The following CCDC88C variants were observed in gnomAD, a reference collection of about 807,000 sequenced individuals.
The protein encoded by CCDC88C is protein Daple.
Under a neutral mutation model 198.8 loss-of-function variants are expected in CCDC88C, and 131 were observed. The ratio of observed to expected loss-of-function variants is 0.66; its 90% confidence interval spans 0.57 to 0.76. CCDC88C has a LOEUF of 0.76. Among genes scored for constraint, CCDC88C ranks in the 30% least tolerant of loss-of-function variants. The pLI, the probability that CCDC88C is intolerant of heterozygous loss-of-function variation, is 0.00. For missense variants in CCDC88C, 2,553 were observed against 2,631.6 expected, an observed-to-expected ratio of 0.97 and a Z score of 0.65; for synonymous variants, 1,166 against 1,114.7, an observed-to-expected ratio of 1.05 and a Z score of -0.92.
chr14:91,380,858 T>C (rs1884746138), intron 3 of CCDC88C, among the ~76,000 whole-genome samples: 1 of 152,164 alleles, frequency 6.6e-6, no homozygotes, highest in South Asian at 2.1e-4. Context: ...CCCCGTATCC[T>C]CCCTGTAGTC....
chr14:91,313,726 C>T lies in CCDC88C; in HGVS notation c.2090G>A (p.Arg697His), dbSNP rs762660225. 2.8e-5 allele frequency: 45 copies of T among 1,609,870 alleles called. No individual in the cohort carries two copies. Among genetic ancestry groups the T allele is most frequent in the Middle Eastern group, 3.3e-4 (2 of 6,084 alleles). The change falls in exon 15 of 30, where the codon CGT becomes CAT. Residue 697 changes from arginine to histidine, a missense_variant. Physicochemically the swap from Arg to His is conservative, Grantham distance 29. Transcript: ENST00000389857. This position sits in a 1 kb window ranked among gnomAD's most constrained non-coding sequence, Gnocchi z 5.2. The stretch of plus-strand genomic sequence containing the variant: ...CTCTGCGTCCAGCTGCTTGTTGTCA[C>T]GCTCCAGGCCCTCAAGCTGCAGGGA... ...NVSLQLEGLE[R>H]DNKQLDAENL...
intron 3 of CCDC88C, among the ~76,000 whole-genome samples, chr14:91,384,891 G>C (rs1420874968): frequency 3.9e-5 from 6 of 152,160 alleles, no homozygotes; most frequent in Non-Finnish European, 7.3e-5. Flanking sequence ...TCCACAGCAC[G>C]GGGGTGGTTC....
chr14:91,330,041 C>T (rs981370081), intron 10 of CCDC88C, among the ~76,000 whole-genome samples: 6 of 152,354 alleles, frequency 3.9e-5, no homozygotes, highest in Middle Eastern at 3.4e-3. Flanking sequence ...TCACAGGGGC[C>T]GGGTTTGCCC....
intron 3 of CCDC88C, among the ~76,000 whole-genome samples, chr14:91,398,318 C>A (rs1885970676): frequency 6.6e-6 from 1 of 152,344 alleles, no homozygotes; most frequent in Admixed American, 6.5e-5. Context: ...AGGTCCTCAG[C>A]CCGTTTGCTT....
chr14:91,345,190 A>ATATATATATTTTTTTTTTTTTTTT (rs1246878587), intron 4 of CCDC88C, among the ~76,000 whole-genome samples: 1 of 52,204 alleles, frequency 1.9e-5, no homozygotes, highest in Non-Finnish European at 3.4e-5. Context: ...ATATATATAT[A>ATATATATATTTTTTTTTTTTTTTT]TTTTTTTTTT....
At chr14:91,327,299 C>T (rs183087135) in intron 10 of CCDC88C, among the ~76,000 whole-genome samples, 3 of 152,350 alleles carry the variant, frequency 2.0e-5, no homozygotes, top group African/African-American at 7.2e-5. Flanking sequence ...GGGGAAGCCA[C>T]ACACTTTCCG....
Position 91,278,057 on chromosome 14 carries a change from G to C in CCDC88C, c.4923C>G (p.Leu1641=), listed in dbSNP as rs1463779042. ...CCCTCTTCTGGGCACCCTCCTGTGG[G>C]AGAGGCCCGTTCCGAGGCAAGGGGT... is the stretch of plus-strand genomic sequence containing the variant. ...HEYPLPRNGP[L]PQEGAQKRGT... Residue 1641 remains leucine, a synonymous_variant, in exon 29 of 30, where the codon CTC becomes CTG. Transcript: ENST00000389857. The C allele has an allele frequency of 1.9e-6, 3 of 1,610,682 alleles. No homozygotes were observed. The highest frequency in any genetic ancestry group is 2.5e-6 in the Non-Finnish European group (3 of 1,178,710).
At chr14:91,346,367 C>G (rs937375688) in intron 4 of CCDC88C, among the ~76,000 whole-genome samples, 4 of 152,230 alleles carry the variant, frequency 2.6e-5, no homozygotes, top group African/African-American at 9.7e-5. Context: ...GGAGGACACA[C>G]CTGAGAATAA....
At chr14:91,416,659 T>C (rs1222734943) in intron 2 of CCDC88C, 79 bp downstream of exon 2, 1 of 995,810 alleles carries the variant, frequency 1.0e-6, no homozygotes, top group African/African-American at 1.6e-5. Context: ...CACCCCGCCA[T>C]GCAACCTTCC....
At position 91,272,794 on chromosome 14, in the gene CCDC88C, C is replaced by A; in HGVS notation, c.5918G>T (p.Cys1973Phe). Residue 1973 changes from cysteine to phenylalanine, a missense_variant, in exon 30 of 30, where the codon TGC becomes TTC. This residue lies in a region of CCDC88C where 1,293 missense variants were observed against 1,219.6 expected (regional missense o/e 1.06). Transcript: ENST00000389857. ...SEGDGVPGQG[C>F]SEGLPAKSPG... ...GCTCTTGGCCGGAAGCCCCTCACTG[C>A]AGCCCTGCCCCGGGACCCCGTCTCC... 6.2e-7 allele frequency: 1 copy of A among 1,601,808 alleles called. No individual in the cohort carries two copies. The highest frequency in any genetic ancestry group is 8.5e-7 in the Non-Finnish European group (1 of 1,174,912).
intron 29 of CCDC88C, among the ~76,000 whole-genome samples, chr14:91,275,818 CTT>C (rs34204634): frequency 2.4e-5 from 2 of 82,308 alleles, no homozygotes; most frequent in East Asian, 3.7e-4. Context: ...ACCAGTGGTT[CTT>C]TTTTTTTTTT....
intron 10 of CCDC88C, among the ~76,000 whole-genome samples, chr14:91,331,965 ACT>A (rs1892852313): frequency 1.3e-5 from 2 of 151,542 alleles, no homozygotes; most frequent in African/African-American, 4.9e-5. Flanking sequence ...CTGGGTGTAG[ACT>A]CTGCCCAGCT....
At chr14:91,294,367 C>T in intron 22 of CCDC88C, 49 bp from the exon 23 acceptor site, 1 of 1,600,404 alleles carries the variant, frequency 6.2e-7, no homozygotes, top group Non-Finnish European at 8.5e-7. Flanking sequence ...CCCGGTGTTC[C>T]CACTGCTGGG....
In CCDC88C at chr14:91,288,966, C is replaced by T. The variant is rs911797700; in HGVS notation, c.4441+139G>A. The T allele has an allele frequency of 1.7e-5, 11 of 654,948 alleles. No homozygotes were observed. The highest frequency in any genetic ancestry group is 1.3e-4 in the African/African-American group (7 of 55,776). 40.6% of individuals were successfully genotyped at this position (654,948 alleles called of 1,614,324 possible). ...CGCCACGCTGAATTTCTACTTGGCTCGTAACACATCTAAGCGAAGGCGCAC... is the reference window on the plus strand; with the variant it reads ...CGCCACGCTGAATTTCTACTTGGCTTGTAACACATCTAAGCGAAGGCGCAC... On this transcript the variant is annotated intron_variant, in intron 25 of 29. Coordinates refer to ENST00000389857, the MANE Select transcript of CCDC88C (RefSeq NM_001080414.4). This position sits in a 1 kb window ranked among gnomAD's most constrained non-coding sequence, Gnocchi z 4.2.
intron 26 of CCDC88C, among the ~76,000 whole-genome samples, chr14:91,282,031 ATTGGCCATCAAGCAT>A (rs1890220921): frequency 6.6e-6 from 1 of 152,200 alleles, no homozygotes; most frequent in South Asian, 2.1e-4. Flanking sequence ...CCTGGAATCC[ATTGGCCATCAAGCAT>A]TTGGCCTTTC....
At chr14:91,280,793 A>G (rs941390121) in intron 27 of CCDC88C, among the ~76,000 whole-genome samples, 2 of 152,100 alleles carry the variant, frequency 1.3e-5, no homozygotes, top group African/African-American at 4.8e-5. Flanking sequence ...TCTTTACTCA[A>G]GTAGAAGACT....
rs141830149 is a variant in CCDC88C, at chr14:91,314,378, T to C, written c.1666-228A>G. Among the ~76,000 whole-genome samples the C allele has an allele frequency of 5.0e-3, 757 of 152,306 alleles. 2 individuals carry two copies. The highest frequency in any genetic ancestry group is 0.02 in the Middle Eastern group (6 of 294). On this transcript the variant is annotated intron_variant, in intron 14 of 29. Coordinates refer to ENST00000389857, the MANE Select transcript of CCDC88C (RefSeq NM_001080414.4). ...ACACTCAGAGCAGCCAGGATGATTT[T>C]AAAATGTAAATACATCTCTCTCCCT...
rs754141922 is a variant in CCDC88C at position 91,305,754 on chromosome 14, G to C, written c.3357+11C>G. ...AGGCTTGTGACCACTGGTGTTGGGA[G>C]CCCCGCTCACCTGCAGCTTGGCGGT... On this transcript the variant is annotated intron_variant, in intron 19 of 29. Coordinates refer to ENST00000389857, the MANE Select transcript of CCDC88C (RefSeq NM_001080414.4). 2 of 1,594,626 alleles carry C rather than the reference G, an allele frequency of 1.3e-6. No homozygotes were observed. The highest frequency in any genetic ancestry group is 2.7e-5 in the African/African-American group (2 of 74,760).
In CCDC88C at chr14:91,289,221, G is replaced by C; in HGVS notation, c.4325C>G (p.Pro1442Arg). The C allele has an allele frequency of 6.2e-7, 1 of 1,614,048 alleles. No individual in the cohort carries two copies. The highest frequency in any genetic ancestry group is 8.5e-7 in the Non-Finnish European group (1 of 1,179,888). ...SPPWQLESSD[P>R]ASPAASQPLR... ...CGGCTGAGAGGCCGCCGGCGAGGCG[G>C]GGTCTGAGGACTCCAGCTGCCAGGG... The change falls in exon 25 of 30, where the codon CCC (proline) becomes CGC (arginine). Residue 1442 changes from proline to arginine, a missense_variant. Transcript: ENST00000389857.
Sources: gnomAD v4.1 joint callset for allele counts (sites outside exome capture counted in the v4.1 genomes callset) on GRCh38, gnomAD v4.1.1 for gene constraint, gnomAD v4.1.1 regional missense constraint, Gnocchi (gnomAD v3.1) non-coding constraint, MANE v1.5 for transcripts, NCBI Gene and HGNC (gene_info 2026-07-23, HGNC 2026-07-21) for gene names.